CBLN1: variants seen among roughly 807,000 people sequenced by gnomAD.
CBLN1 encodes cerebellin-1.
In CBLN1, 5 loss-of-function variants were observed where a neutral mutation model predicts 15.9. That is an observed-to-expected ratio of 0.31 (90% CI 0.16 to 0.66). CBLN1 has a LOEUF of 0.66. Ranked by LOEUF, CBLN1 falls within the 30% of genes least tolerant of loss-of-function variation. The pLI, the probability that CBLN1 is intolerant of heterozygous loss-of-function variation, is 0.75. For synonymous variants in CBLN1, 90 were observed against 107.6 expected (o/e 0.84, Z 1.01); for missense variants, 164 against 253.7 (o/e 0.65, Z 2.40).
rs1220298350 is a variant in CBLN1 at position 49,281,556 on chromosome 16, TCAGCTCCGTGCG to T, written c.-103_-92del. On this transcript the variant is annotated 5_prime_UTR_variant, in exon 1 of 3. Transcript: ENST00000219197. Reference sequence around the variant, plus strand: ...CCAGTCCCGCTCCGAAGCCCCCTCCTCAGCTCCGTGCGCAGCTCCGCCGCCGCCGCTCTGGAC... The same window carrying T: ...CCAGTCCCGCTCCGAAGCCCCCTCCTCAGCTCCGCCGCCGCCGCTCTGGAC... 1.2e-6 allele frequency: 1 copy of T among 820,582 alleles called. No homozygotes were observed. Among genetic ancestry groups the T allele is most frequent in the Middle Eastern group, 4.0e-4 (1 of 2,520 alleles). 50.8% of individuals were successfully genotyped at this position (820,582 alleles called of 1,614,324 possible). A position where few individuals can be genotyped will look rare whatever the true frequency, so the allele number is the denominator to read the frequency against.
At chr16:49,280,839 C>A in intron 2 of CBLN1, 84 bp downstream of exon 2, 1 of 1,518,534 alleles carries the variant, frequency 6.6e-7, no homozygotes. Flanking sequence ...GCCACTTCTG[C>A]CTACCACCTC....
Position 49,281,475 on chromosome 16 carries a change from G to A in CBLN1, c.-10C>T, listed in dbSNP as rs1287580018. ...CCAGGACGCCCAGCATCGCGCCGCC[G>A]GCGCCCACCCCGCCCCCCACCCCCA... is the stretch of plus-strand genomic sequence containing the variant. On this transcript the variant is annotated 5_prime_UTR_variant, in exon 1 of 3. Transcript: ENST00000219197. The A allele has an allele frequency of 6.8e-7, 1 of 1,461,230 alleles. No individual in the cohort carries two copies. The highest frequency in any genetic ancestry group is 9.0e-7 in the Non-Finnish European group (1 of 1,116,114). The allele number at this position is 1,461,230 out of a possible 1,614,324, so 90.5% of individuals were successfully genotyped here.
chr16:49,278,532 C>T lies in CBLN1; in HGVS notation c.*872G>A, dbSNP rs1470934023. The T allele has an allele frequency of 6.6e-6, 1 of 152,210 alleles. No individual in the cohort carries two copies. The highest frequency in any genetic ancestry group is 1.5e-5 in the Non-Finnish European group (1 of 68,046). 9.4% of individuals were successfully genotyped at this position (152,210 alleles called of 1,614,324 possible). A position where few individuals can be genotyped will look rare whatever the true frequency, so the allele number is the denominator to read the frequency against. ...AAGCTGTTTCAGAAAAATAAAAGTC[C>T]CACTTCGACTTTATTAGATTAAAGC... is the stretch of plus-strand genomic sequence containing the variant. On this transcript the variant is annotated 3_prime_UTR_variant, in exon 3 of 3. Transcript: ENST00000219197.
chr16:49,278,025 G>A lies in CBLN1; in HGVS notation c.*1379C>T, dbSNP rs1477535627. 1.3e-5 allele frequency: 2 copies of A among 152,372 alleles called. No homozygotes were observed. Among genetic ancestry groups the A allele is most frequent in the East Asian group, 3.9e-4 (2 of 5,186 alleles). 9.4% of individuals were successfully genotyped at this position (152,372 alleles called of 1,614,324 possible). A position where few individuals can be genotyped will look rare whatever the true frequency, so the allele number is the denominator to read the frequency against. On this transcript the variant is annotated 3_prime_UTR_variant, in exon 3 of 3. Transcript: ENST00000219197. The stretch of plus-strand genomic sequence containing the variant: ...TTGAATAAAGTCCTGTGAATGAGCG[G>A]AATCATAGGTCCTGGGCGCCCGAGT...
At chr16:49,279,731 G>A (rs1963238939) in intron 2 of CBLN1, 130 bp from the exon 3 acceptor site, 1 of 655,434 alleles carries the variant, frequency 1.5e-6, no homozygotes. Flanking sequence ...GGGGGTGGGG[G>A]GGGCGAATGG....
intron 1 of CBLN1, 53 bp from the exon 2 acceptor site, chr16:49,281,095 C>G: frequency 6.2e-7 from 1 of 1,614,118 alleles, no homozygotes. Context: ...CCCGGACTGT[C>G]GTCCCCGCGC....
At chr16:49,280,083 C>T (rs530231768) in intron 2 of CBLN1, among the ~76,000 whole-genome samples, 7 of 152,330 alleles carry the variant, frequency 4.6e-5, no homozygotes, top group Non-Finnish European at 1.0e-4. Context: ...ACCCAGCTGC[C>T]AGGACACAGT....
rs1963302217 is a variant in CBLN1 at position 49,281,588 on chromosome 16, C to G, written c.-123G>C. ...CGTGCGCAGCTCCGCCGCCGCCGCT[C>G]TGGACACTACACCTCTTCCTCGCAC... On this transcript the variant is annotated 5_prime_UTR_variant, in exon 1 of 3. Coordinates refer to ENST00000219197, the MANE Select transcript of CBLN1 (RefSeq NM_004352.4). 2 of 544,882 alleles carry G rather than the reference C, an allele frequency of 3.7e-6. No homozygotes were observed. Among genetic ancestry groups the G allele is most frequent in the Admixed American group, 4.4e-5 (1 of 22,626 alleles). 33.8% of individuals were successfully genotyped at this position (544,882 alleles called of 1,614,324 possible).
At position 49,278,389 on chromosome 16, in the gene CBLN1, GC is replaced by G. The variant is rs55650199; in HGVS notation, c.*1014del. The stretch of plus-strand genomic sequence containing the variant: ...AGCGCAAGGCCGGCTTTGCAAGGAA[GC>G]CCTCGCGCCCAGGCCTTTCTATGGT... On this transcript the variant is annotated 3_prime_UTR_variant, in exon 3 of 3. Transcript: ENST00000219197. 0.11 allele frequency: 16,071 copies of G among 152,322 alleles called. 1,211 individuals are homozygous for G. The highest frequency in any genetic ancestry group is 0.32 in the South Asian group (1,564 of 4,824). 9.4% of individuals were successfully genotyped at this position (152,322 alleles called of 1,614,324 possible). A position where few individuals can be genotyped will look rare whatever the true frequency, so the allele number is the denominator to read the frequency against.
chr16:49,280,402 C>A (rs1963251710), intron 2 of CBLN1, among the ~76,000 whole-genome samples: 1 of 152,230 alleles, frequency 6.6e-6, no homozygotes, highest in Non-Finnish European at 1.5e-5. Flanking sequence ...TCTCTCTACC[C>A]CTCACCCTCC....
rs532953679 is a variant in CBLN1, at chr16:49,278,262, C to A, written c.*1142G>T. The A allele has an allele frequency of 6.6e-6, 1 of 152,408 alleles. No individual in the cohort carries two copies. Among genetic ancestry groups the A allele is most frequent in the African/African-American group, 2.4e-5 (1 of 41,604 alleles). The allele number at this position is 152,408 out of a possible 1,614,324, so 9.4% of individuals were successfully genotyped here. A position where few individuals can be genotyped will look rare whatever the true frequency, so the allele number is the denominator to read the frequency against. On this transcript the variant is annotated 3_prime_UTR_variant, in exon 3 of 3. Coordinates refer to ENST00000219197, the MANE Select transcript of CBLN1 (RefSeq NM_004352.4). ...TCAAACTTCGCTCCTGGGCCGGCGG[C>A]CGCGCCTGGCCTAGCAAGATTTCGG...
Position 49,281,753 on chromosome 16 carries a change from C to T in CBLN1, c.-288G>A, listed in dbSNP as rs1963311279. 1 of 336,640 alleles carries T rather than the reference C, an allele frequency of 3.0e-6. No homozygotes were observed. 20.9% of individuals were successfully genotyped at this position (336,640 alleles called of 1,614,324 possible). A position where few individuals can be genotyped will look rare whatever the true frequency, so the allele number is the denominator to read the frequency against. ...TGCTGCTCGGTCCCGCTGCTGCCGC[C>T]GCCTCCTGCCCGCACCCGCCGCTGC... On this transcript the variant is annotated 5_prime_UTR_variant, in exon 1 of 3. Transcript: ENST00000219197.
Position 49,279,070 on chromosome 16 carries a change from A to G in CBLN1, c.*334T>C. 1 of 324,760 alleles carries G rather than the reference A, an allele frequency of 3.1e-6. No homozygotes were observed. The highest frequency in any genetic ancestry group is 7.3e-5 in the East Asian group (1 of 13,758). The allele number at this position is 324,760 out of a possible 1,614,324, so 20.1% of individuals were successfully genotyped here. On this transcript the variant is annotated 3_prime_UTR_variant, in exon 3 of 3. Transcript: ENST00000219197. ...GATTTCAGATTATGTAGTGAAATAC[A>G]AAGTTTCTTTAAATAAATTGCAGGG...
chr16:49,279,820 G>C (rs1033905477), intron 2 of CBLN1, among the ~76,000 whole-genome samples: 2 of 152,200 alleles, frequency 1.3e-5, no homozygotes, highest in Admixed American at 1.3e-4. Flanking sequence ...GGAAGGGCCT[G>C]TCCCCAAAAC....
In CBLN1 at chr16:49,281,814, G is replaced by T. The variant is rs1380250658; in HGVS notation, c.-349C>A. 5 of 225,816 alleles carry T rather than the reference G, an allele frequency of 2.2e-5. No homozygotes were observed. The highest frequency in any genetic ancestry group is 4.3e-5 in the Non-Finnish European group (5 of 115,922). 14.0% of individuals were successfully genotyped at this position (225,816 alleles called of 1,614,324 possible). ...GCCGCTCTGAATTATTGATGCAGCC[G>T]GCGCTGCAGCCGGAGCGGGCGGAGA... On this transcript the variant is annotated 5_prime_UTR_variant, in exon 1 of 3. Coordinates refer to ENST00000219197, the MANE Select transcript of CBLN1 (RefSeq NM_004352.4).
In CBLN1 at chr16:49,279,340, G is replaced by T; in HGVS notation, c.*64C>A. 1.4e-6 allele frequency: 2 copies of T among 1,456,708 alleles called. No homozygotes were observed. Among genetic ancestry groups the T allele is most frequent in the Non-Finnish European group, 1.9e-6 (2 of 1,040,432 alleles). The allele number at this position is 1,456,708 out of a possible 1,614,324, so 90.2% of individuals were successfully genotyped here. The stretch of plus-strand genomic sequence containing the variant: ...CTGCTTTCTCGCCCTCTTAATTTCA[G>T]CCTCTTTCTCACTCCCCTTCCTGCC... On this transcript the variant is annotated 3_prime_UTR_variant, in exon 3 of 3. Transcript: ENST00000219197.
Position 49,279,283 on chromosome 16 carries a change from G to T in CBLN1, c.*121C>A. On this transcript the variant is annotated 3_prime_UTR_variant, in exon 3 of 3. Coordinates refer to ENST00000219197, the MANE Select transcript of CBLN1 (RefSeq NM_004352.4). Reference sequence around the variant, plus strand: ...GCGCGCACCTTTTTACCCAGATACAGTTAGAGAACATGTAGGAAGTTTCAA... The same window carrying T: ...GCGCGCACCTTTTTACCCAGATACATTTAGAGAACATGTAGGAAGTTTCAA... 1.1e-6 allele frequency: 1 copy of T among 878,822 alleles called. No individual in the cohort carries two copies. The highest frequency in any genetic ancestry group is 1.8e-6 in the Non-Finnish European group (1 of 553,844). 54.4% of individuals were successfully genotyped at this position (878,822 alleles called of 1,614,324 possible).
chr16:49,280,894 C>A, intron 2 of CBLN1, 29 bp downstream of exon 2: 4 of 1,613,958 alleles, frequency 2.5e-6, no homozygotes, highest in Non-Finnish European at 3.4e-6. Context: ...CCCTACGGGG[C>A]CAGGGCCCGG....
At position 49,279,372 on chromosome 16, in the gene CBLN1, C is replaced by T. The variant is rs780246311; in HGVS notation, c.*32G>A. ...TCTCACTCCCCTTCCTGCCTTCGCCCTCTCCCTGCCTCCCTTCCGGCTACG... is the reference window on the plus strand; with the variant it reads ...TCTCACTCCCCTTCCTGCCTTCGCCTTCTCCCTGCCTCCCTTCCGGCTACG... On this transcript the variant is annotated 3_prime_UTR_variant, in exon 3 of 3. Coordinates refer to ENST00000219197, the MANE Select transcript of CBLN1 (RefSeq NM_004352.4). 6.2e-7 allele frequency: 1 copy of T among 1,606,810 alleles called. No homozygotes were observed. Among genetic ancestry groups the T allele is most frequent in the Non-Finnish European group, 8.5e-7 (1 of 1,173,394 alleles).
Sources: gnomAD v4.1 joint callset for allele counts (sites outside exome capture counted in the v4.1 genomes callset) on GRCh38, gnomAD v4.1.1 for gene constraint, MANE v1.5 for transcripts, NCBI Gene and HGNC (gene_info 2026-07-23, HGNC 2026-07-21) for gene names.